Variants in GRID2 observed in about 807,000 individuals in gnomAD.
The protein encoded by GRID2 is glutamate ionotropic receptor delta type subunit 2, also known as glutamate receptor ionotropic, delta-2.
In GRID2, 33 loss-of-function variants were observed where a neutral mutation model predicts 114.8. That is an observed-to-expected ratio of 0.29 (90% CI 0.22 to 0.38). The LOEUF (loss-of-function observed/expected upper bound fraction) is 0.38, where lower values mean the gene tolerates loss of function less well. Ranked by LOEUF, GRID2 falls within the 10% of genes least tolerant of loss-of-function variation. GRID2 has a pLI of 1.00. For missense variants in GRID2, 1,184 were observed against 1,257.7 expected, an observed-to-expected ratio of 0.94 and a Z score of 0.89; for synonymous variants, 505 against 449.9, an observed-to-expected ratio of 1.12 and a Z score of -1.55.
intron 13 of GRID2, among the ~76,000 whole-genome samples, chr4:93,527,886 A>G (rs532728991): frequency 1.3e-4 from 20 of 151,964 alleles, no homozygotes; most frequent in African/African-American, 4.8e-4. Flanking sequence ...TCTTCCCCCC[A>G]AGGCCTTAGC....
intron 2 of GRID2, among the ~76,000 whole-genome samples, chr4:92,942,056 G>T (rs943710670): frequency 6.6e-6 from 1 of 152,168 alleles, no homozygotes; most frequent in Non-Finnish European, 1.5e-5. Flanking sequence ...TTAATTTGGG[G>T]TGGAGCGTTC....
chr4:93,041,160 C>T (rs1725480564), intron 2 of GRID2, among the ~76,000 whole-genome samples: 1 of 151,952 alleles, frequency 6.6e-6, no homozygotes, highest in African/African-American at 2.4e-5. Context: ...TTGATGAATT[C>T]AAGGTAGCTG....
intron 13 of GRID2, among the ~76,000 whole-genome samples, chr4:93,518,787 G>A (rs116442450): frequency 5.8e-4 from 89 of 152,162 alleles, no homozygotes; most frequent in African/African-American, 1.9e-3. Context: ...GTATGTGTAC[G>A]TCTGAGTAAA....
rs540758763 is a variant in GRID2, at chr4:93,576,925, A to G, written c.2194-49344A>G. 3.3e-5 allele frequency among the ~76,000 whole-genome samples: 5 copies of G among 152,334 alleles called. No individual in the cohort carries two copies. The South Asian group carries it at 1.0e-3, about 32-fold the overall frequency. ...TTTCCTGGAAATGGAAGGATGAAAA[A>G]GAAAAATGCTTGAACAAATATTGTT... is the stretch of plus-strand genomic sequence containing the variant. On this transcript the variant is annotated intron_variant, in intron 13 of 15. Coordinates refer to ENST00000282020, the MANE Select transcript of GRID2 (RefSeq NM_001510.4).
chr4:93,493,695 C>T (rs920484913), intron 12 of GRID2, among the ~76,000 whole-genome samples: 1 of 151,614 alleles, frequency 6.6e-6, no homozygotes, highest in Non-Finnish European at 1.5e-5. Flanking sequence ...GACTTTCATG[C>T]AATAGCAGTG....
chr4:93,518,019 ACATG>A (rs1368115673), intron 13 of GRID2, among the ~76,000 whole-genome samples: 1 of 40,952 alleles, frequency 2.4e-5, no homozygotes, highest in Non-Finnish European at 6.7e-5. Flanking sequence ...GTATATACAT[ACATG>A]TACATGTATG....
At chr4:92,966,339 CA>C (rs1453484595) in intron 2 of GRID2, among the ~76,000 whole-genome samples, 1 of 151,714 alleles carries the variant, frequency 6.6e-6, no homozygotes, top group East Asian at 1.9e-4. Flanking sequence ...ACCCTTCGGC[CA>C]AAAAGGATAA....
intron 4 of GRID2, among the ~76,000 whole-genome samples, chr4:93,124,107 A>T (rs992232457): frequency 6.4e-5 from 4 of 62,674 alleles, no homozygotes; most frequent in African/African-American, 2.6e-4. Context: ...AAAGTATAAT[A>T]AAAAAAAAAG....
chr4:92,965,002 C>T (rs1271336641), intron 2 of GRID2, among the ~76,000 whole-genome samples: 1 of 152,010 alleles, frequency 6.6e-6, no homozygotes, highest in Non-Finnish European at 1.5e-5. Context: ...TTCAGCTTAT[C>T]TTTGCTTTCA....
intron 1 of GRID2, among the ~76,000 whole-genome samples, chr4:93,793,514 T>C (rs917929973): frequency 2.0e-5 from 3 of 152,216 alleles, no homozygotes; most frequent in Non-Finnish European, 4.4e-5. Flanking sequence ...CGACAGATCA[T>C]ATTTTCCAAC....
intron 2 of GRID2, among the ~76,000 whole-genome samples, chr4:92,640,267 G>A (rs1355429188): frequency 6.6e-6 from 1 of 151,746 alleles, no homozygotes; most frequent in African/African-American, 2.4e-5. Flanking sequence ...CCTTTATAGA[G>A]ATTTAATCTT....
intron 2 of GRID2, among the ~76,000 whole-genome samples, chr4:92,795,936 C>T (rs976499251): frequency 2.0e-5 from 3 of 151,970 alleles, no homozygotes; most frequent in Non-Finnish European, 4.4e-5. Context: ...TTTGCCACAT[C>T]CACAGTTTCT....
chr4:93,125,488 G>A (rs1263945706), intron 4 of GRID2, among the ~76,000 whole-genome samples: 2 of 152,054 alleles, frequency 1.3e-5, no homozygotes, highest in Non-Finnish European at 2.9e-5. Flanking sequence ...AACATAATAA[G>A]TTGTTACTTC....
intron 2 of GRID2, among the ~76,000 whole-genome samples, chr4:92,697,764 C>T (rs1029233779): frequency 2.0e-5 from 3 of 152,046 alleles, no homozygotes; most frequent in Admixed American, 2.0e-4. Context: ...GGAAACAGCA[C>T]ACTCTTAATT....
intron 2 of GRID2, among the ~76,000 whole-genome samples, chr4:92,724,110 A>G (rs993261639): frequency 2.0e-5 from 3 of 152,158 alleles, no homozygotes; most frequent in Admixed American, 2.0e-4. Flanking sequence ...ACATGGTACT[A>G]TAAGACATTC....
chr4:93,355,056 A>G (rs1289974900), intron 8 of GRID2, among the ~76,000 whole-genome samples: 1 of 151,714 alleles, frequency 6.6e-6, no homozygotes, highest in African/African-American at 2.4e-5. Flanking sequence ...AAAAACCTCA[A>G]TGATTTAATG....
At chr4:93,372,913 G>A (rs1763064046) in intron 8 of GRID2, among the ~76,000 whole-genome samples, 1 of 152,104 alleles carries the variant, frequency 6.6e-6, no homozygotes. Context: ...CTAGATAGAT[G>A]TGCAATATAT....
chr4:93,200,292 T>G (rs910436041), intron 4 of GRID2, among the ~76,000 whole-genome samples: 1 of 152,050 alleles, frequency 6.6e-6, no homozygotes, highest in Admixed American at 6.5e-5. Context: ...ATAGGCCGGG[T>G]GCGGTGGCTC....
Position 92,883,031 on chromosome 4 carries a change from T to C in GRID2, c.245-201964T>C, listed in dbSNP as rs533802790. Reference sequence around the variant, plus strand: ...ATTGACTCTTCCTTTCACAAAAGATTTCTCTTTAGCATGTCATACTGTTTG... The same window carrying C: ...ATTGACTCTTCCTTTCACAAAAGATCTCTCTTTAGCATGTCATACTGTTTG... On this transcript the variant is annotated intron_variant, in intron 2 of 15. Coordinates refer to ENST00000282020, the MANE Select transcript of GRID2 (RefSeq NM_001510.4). 5.3e-5 allele frequency among the ~76,000 whole-genome samples: 8 copies of C among 152,306 alleles called. No individual in the cohort carries two copies. The South Asian group carries it at 1.7e-3, about 32-fold the overall frequency.
Sources: gnomAD v4.1 joint callset for allele counts (sites outside exome capture counted in the v4.1 genomes callset) on GRCh38, gnomAD v4.1.1 for gene constraint, MANE v1.5 for transcripts, NCBI Gene and HGNC (gene_info 2026-07-23, HGNC 2026-07-21) for gene names.